ZNF804A: variants seen among roughly 807,000 people sequenced by gnomAD.
The protein encoded by ZNF804A is zinc finger protein 804A.
Under a neutral mutation model 16.5 loss-of-function variants are expected in ZNF804A, and 2 were observed. The observed-to-expected ratio is 0.12, with a 90% CI of 0.05 to 0.38. The LOEUF (loss-of-function observed/expected upper bound fraction) is 0.38. Ranked by LOEUF, ZNF804A falls within the 10% of genes least tolerant of loss-of-function variation. The pLI is 0.99. For missense variants in ZNF804A, 1,473 were observed against 1,390.7 expected (o/e 1.06, Z -0.94); for synonymous variants, 534 against 489.6 (o/e 1.09, Z -1.20).
Position 184,926,227 on chromosome 2 carries a change from G to A in ZNF804A, c.256-7376G>A, listed in dbSNP as rs546326890. Among the ~76,000 whole-genome samples the A allele has an allele frequency of 9.7e-4, 147 of 151,848 alleles. 3 individuals are homozygous for A. Among genetic ancestry groups the A allele is most frequent in the South Asian group, 8.3e-3 (40 of 4,804 alleles). ...CCCTCAGCTTTTGATTGGGAAAGTT[G>A]CTATTTCTCCTACCTGTTTGAAGGA... On this transcript the variant is annotated intron_variant, in intron 2 of 3. Transcript: ENST00000302277.
intron 1 of ZNF804A, among the ~76,000 whole-genome samples, chr2:184,811,802 C>T (rs1323425719): frequency 6.6e-6 from 1 of 152,158 alleles, no homozygotes; most frequent in African/African-American, 2.4e-5. Flanking sequence ...TAGCCTCCAT[C>T]TTAATTAATA....
chr2:184,813,964 A>G (rs901487770), intron 1 of ZNF804A, among the ~76,000 whole-genome samples: 4 of 91,966 alleles, frequency 4.3e-5, no homozygotes, highest in Non-Finnish European at 6.8e-5. Context: ...CACTTACTAT[A>G]TACTTTAGGG....
At chr2:184,914,317 G>C (rs959508496) in intron 2 of ZNF804A, among the ~76,000 whole-genome samples, 2 of 152,150 alleles carry the variant, frequency 1.3e-5, no homozygotes, top group Admixed American at 6.6e-5. Context: ...AGAGAGATGA[G>C]ATAATGTGGG....
chr2:184,817,318 G>A (rs1489541032), intron 1 of ZNF804A, among the ~76,000 whole-genome samples: 1 of 151,794 alleles, frequency 6.6e-6, no homozygotes, highest in Non-Finnish European at 1.5e-5. Context: ...TAGAAAAATG[G>A]CCTGACTGTT....
intron 1 of ZNF804A, among the ~76,000 whole-genome samples, chr2:184,609,491 T>C (rs1691203438): frequency 6.6e-6 from 1 of 152,232 alleles, no homozygotes; most frequent in African/African-American, 2.4e-5. Context: ...TTGCCTTTGA[T>C]TGGGCTTCCA....
chr2:184,929,550 T>TA (rs1387158734), intron 2 of ZNF804A, among the ~76,000 whole-genome samples: 1 of 152,108 alleles, frequency 6.6e-6, no homozygotes, highest in Non-Finnish European at 1.5e-5. Context: ...AAGATTTTAT[T>TA]AAAAACAGTA....
chr2:184,636,295 C>A (rs1362228792), intron 1 of ZNF804A, among the ~76,000 whole-genome samples: 2 of 146,600 alleles, frequency 1.4e-5, no homozygotes, highest in Admixed American at 6.9e-5. Flanking sequence ...TTTTTATTTT[C>A]TTGTTTTCTT....
chr2:184,610,260 G>A (rs1239569444), intron 1 of ZNF804A, among the ~76,000 whole-genome samples: 1 of 152,170 alleles, frequency 6.6e-6, no homozygotes, highest in African/African-American at 2.4e-5. Context: ...TTTGACAACT[G>A]TAAAAAATAA....
chr2:184,652,642 A>G (rs1237296274), intron 1 of ZNF804A, among the ~76,000 whole-genome samples: 3 of 152,040 alleles, frequency 2.0e-5, no homozygotes, highest in African/African-American at 7.2e-5. Flanking sequence ...CCTTTCCAGT[A>G]CCTTTCTAAG....
chr2:184,914,393 A>G (rs1229409369), intron 2 of ZNF804A, among the ~76,000 whole-genome samples: 1 of 152,162 alleles, frequency 6.6e-6, no homozygotes, highest in Non-Finnish European at 1.5e-5. Context: ...TATAACTTCC[A>G]TTGTTCTGGC....
intron 1 of ZNF804A, among the ~76,000 whole-genome samples, chr2:184,811,908 A>C (rs532576648): frequency 6.6e-6 from 1 of 152,336 alleles, no homozygotes; most frequent in East Asian, 1.9e-4. Context: ...AACTAGCATT[A>C]CAAAAAAGTT....
intron 2 of ZNF804A, among the ~76,000 whole-genome samples, chr2:184,871,456 C>A (rs543455137): frequency 6.7e-6 from 1 of 150,040 alleles, no homozygotes; most frequent in South Asian, 2.1e-4. Flanking sequence ...TTAGATTTTC[C>A]ACTGAATATT....
At chr2:184,829,935 A>AAAAAAAAC (rs1695235344) in intron 1 of ZNF804A, among the ~76,000 whole-genome samples, 1 of 134,054 alleles carries the variant, frequency 7.5e-6, no homozygotes, top group African/African-American at 3.5e-5. Context: ...AAAACAAAAA[A>AAAAAAAAC]AAAAAAACCA....
chr2:184,632,443 C>T (rs72897758), intron 1 of ZNF804A, among the ~76,000 whole-genome samples: 16,643 of 152,126 alleles, frequency 0.11, 1,182 homozygotes, highest in Non-Finnish European at 0.16. Flanking sequence ...CTCACTCTGT[C>T]GCCCAGACTG....
Position 184,936,454 on chromosome 2 carries a change from T to C in ZNF804A, c.1058T>C (p.Phe353Ser), listed in dbSNP as rs2105843900. The change falls in exon 4 of 4, where the codon TTT (phenylalanine) becomes TCT (serine). Residue 353 changes from phenylalanine to serine, a missense_variant. Transcript: ENST00000302277. ...NEDIPVSGNS[F>S]ELLGNKSTVL... ...GACATACCTGTTAGTGGTAACAGTT[T>C]TGAGTTGTTAGGAAATAAATCCACA... is the stretch of plus-strand genomic sequence containing the variant. 1 of 1,613,972 alleles carries C rather than the reference T, an allele frequency of 6.2e-7. No individual in the cohort carries two copies. The highest frequency in any genetic ancestry group is 1.7e-4 in the Middle Eastern group (1 of 6,060).
At chr2:184,787,327 G>T (rs1287517097) in intron 1 of ZNF804A, among the ~76,000 whole-genome samples, 1 of 151,794 alleles carries the variant, frequency 6.6e-6, no homozygotes. Flanking sequence ...ATAACTGCAG[G>T]TGTCTCTTTT....
intron 1 of ZNF804A, among the ~76,000 whole-genome samples, chr2:184,761,279 A>T (rs959006487): frequency 6.6e-6 from 1 of 152,138 alleles, no homozygotes; most frequent in African/African-American, 2.4e-5. Context: ...TCAAGTTTGC[A>T]TTTTTAAAAA....
chr2:184,675,225 G>A (rs1692402433), intron 1 of ZNF804A, among the ~76,000 whole-genome samples: 1 of 151,722 alleles, frequency 6.6e-6, no homozygotes, highest in South Asian at 2.1e-4. Context: ...TTAGGAACAT[G>A]CATGCGTATT....
chr2:184,661,465 A>G (rs2105706549), intron 1 of ZNF804A, among the ~76,000 whole-genome samples: 1 of 152,308 alleles, frequency 6.6e-6, no homozygotes, highest in Non-Finnish European at 1.5e-5. Context: ...GGCAAATTTT[A>G]TTGAGCGACA....
Sources: allele counts gnomAD v4.1 joint callset (sites outside exome capture counted in the v4.1 genomes callset), GRCh38; gene constraint gnomAD v4.1.1; transcripts MANE v1.5; gene names NCBI Gene and HGNC (gene_info 2026-07-23, HGNC 2026-07-21).